Variants in IL7 observed in about 807,000 individuals in gnomAD.
IL7 encodes the protein interleukin-7.
IL7 carries 3 observed loss-of-function variants against 21.6 expected under a neutral mutation model. The observed-to-expected ratio is 0.14, with a 90% CI of 0.06 to 0.36. IL7 has a LOEUF of 0.36. Ranked by LOEUF, IL7 falls within the 10% of genes least tolerant of loss-of-function variation. IL7 has a pLI of 1.00. For synonymous variants in IL7, 62 were observed against 68.1 expected (o/e 0.91, Z 0.44); for missense variants, 175 against 200.2 (o/e 0.87, Z 0.76).
intron 4 of IL7, among the ~76,000 whole-genome samples, chr8:78,684,829 A>G (rs1809911210): frequency 6.6e-6 from 1 of 152,222 alleles, no homozygotes; most frequent in African/African-American, 2.4e-5. Context: ...ACAAAGTAAA[A>G]AAATACTACT....
chr8:78,767,520 T>C (rs1812792846), intron 2 of IL7, among the ~76,000 whole-genome samples: 2 of 152,070 alleles, frequency 1.3e-5, no homozygotes, highest in Admixed American at 6.5e-5. Flanking sequence ...ATCTAATTAG[T>C]ATACATATCC....
At chr8:78,803,748 C>T (rs1460615585) in intron 1 of IL7, among the ~76,000 whole-genome samples, 1 of 152,146 alleles carries the variant, frequency 6.6e-6, no homozygotes, top group African/African-American at 2.4e-5. Context: ...TAGGGTTGTG[C>T]TCAATTTTTA....
At chr8:78,778,887 T>G (rs1488575663) in intron 2 of IL7, among the ~76,000 whole-genome samples, 2 of 152,168 alleles carry the variant, frequency 1.3e-5, no homozygotes, top group Non-Finnish European at 2.9e-5. Context: ...CATGACATGT[T>G]TTTTCATTTG....
chr8:78,762,588 CT>C (rs1293263378), intron 2 of IL7, among the ~76,000 whole-genome samples: 1 of 151,514 alleles, frequency 6.6e-6, no homozygotes, highest in African/African-American at 2.4e-5. Context: ...CCGCCGGGTT[CT>C]TTTTTATATC....
intron 3 of IL7, among the ~76,000 whole-genome samples, chr8:78,700,879 G>A (rs951417043): frequency 6.6e-6 from 1 of 152,106 alleles, no homozygotes; most frequent in Non-Finnish European, 1.5e-5. Flanking sequence ...GTACCATGCT[G>A]TTTTGATTAC....
chr8:78,782,776 G>T (rs1367452905), intron 2 of IL7, among the ~76,000 whole-genome samples: 1 of 152,106 alleles, frequency 6.6e-6, no homozygotes, highest in African/African-American at 2.4e-5. Flanking sequence ...CTCAGAGCCA[G>T]CGGGGAAAAG....
At chr8:78,716,237 C>G (rs1811097686), downstream of IL7, among the ~76,000 whole-genome samples, 1 of 151,532 alleles carries the variant, frequency 6.6e-6, no homozygotes, top group African/African-American at 2.4e-5. Context: ...ATTCTCCTGC[C>G]TCAGCCTCCC....
intron 5 of IL7, among the ~76,000 whole-genome samples, chr8:78,720,068 T>C (rs1257694277): frequency 6.6e-6 from 1 of 151,868 alleles, no homozygotes; most frequent in Non-Finnish European, 1.5e-5. Context: ...TGGACGTTTC[T>C]AGTTAAGAGC....
In IL7 at chr8:78,798,345, C is replaced by T. The variant is rs78020883; in HGVS notation, c.11-137G>A. 3,085 of 603,856 alleles carry T rather than the reference C, an allele frequency of 5.1e-3. 67 individuals carry two copies. In the African/African-American group the frequency reaches 0.052, roughly 10 times the overall value. 37.4% of individuals were successfully genotyped at this position (603,856 alleles called of 1,614,324 possible). A position where few individuals can be genotyped will look rare whatever the true frequency, so the allele number is the denominator to read the frequency against. On this transcript the variant is annotated intron_variant, in intron 1 of 5. Coordinates refer to ENST00000263851, the MANE Select transcript of IL7 (RefSeq NM_000880.4). Reference sequence around the variant, plus strand: ...GGTTTGGAGATACTACAGGAAGAACCTCAAAAGTTGAACTTATGTAACAAC... The same window carrying T: ...GGTTTGGAGATACTACAGGAAGAACTTCAAAAGTTGAACTTATGTAACAAC...
intron 3 of IL7, among the ~76,000 whole-genome samples, chr8:78,710,042 T>A (rs1308078259): frequency 1.3e-5 from 2 of 152,178 alleles, no homozygotes; most frequent in Non-Finnish European, 2.9e-5. Context: ...AGTAAATGAC[T>A]TTTCCTATGT....
At chr8:78,756,912 C>T (rs935762950) in intron 2 of IL7, among the ~76,000 whole-genome samples, 2 of 150,668 alleles carry the variant, frequency 1.3e-5, no homozygotes, top group African/African-American at 4.9e-5. Flanking sequence ...TTTATTTTTG[C>T]CTTCTTTGTA....
intron 2 of IL7, among the ~76,000 whole-genome samples, chr8:78,778,999 T>A (rs980804251): frequency 2.0e-5 from 3 of 152,076 alleles, no homozygotes; most frequent in Non-Finnish European, 4.4e-5. Context: ...TATCCTCTTT[T>A]TAGCAATTGT....
intron 2 of IL7, among the ~76,000 whole-genome samples, chr8:78,785,132 A>C (rs1813466629): frequency 1.3e-5 from 2 of 152,024 alleles, no homozygotes; most frequent in Admixed American, 1.3e-4. Flanking sequence ...TTGCTCTTGA[A>C]ATTCAGTCAC....
At chr8:78,761,962 T>A (rs543710038) in intron 2 of IL7, 1 of 1,609,926 alleles carries the variant, frequency 6.2e-7, no homozygotes, top group Admixed American at 1.7e-5. Flanking sequence ...CTTCAAGGGT[T>A]AGAGGTAAAA....
chr8:78,687,905 T>C (rs1407508974), intron 3 of IL7, among the ~76,000 whole-genome samples: 1 of 56,404 alleles, frequency 1.8e-5, no homozygotes, highest in Admixed American at 2.5e-4. Context: ...TTATATATAT[T>C]TATATAAATA....
rs201457460 is a variant in IL7 at position 78,701,654 on chromosome 8, G to T, written n.215-15707C>A. ...ATTCGTCATAAGTGGCTAATATTTT[G>T]AGGTATGTTCCTGCAATACCTAGTT... is the stretch of plus-strand genomic sequence containing the variant. On this transcript the variant is annotated intron_variant and non_coding_transcript_variant, in intron 3 of 4. Transcript: ENST00000523959. Among the ~76,000 whole-genome samples, 13 of 152,276 alleles carry T rather than the reference G, an allele frequency of 8.5e-5. No homozygotes were observed. In the East Asian group the frequency reaches 2.3e-3, roughly 27 times the overall value.
At chr8:78,710,539 T>C (rs1810920276) in intron 3 of IL7, among the ~76,000 whole-genome samples, 1 of 152,190 alleles carries the variant, frequency 6.6e-6, no homozygotes, top group South Asian at 2.1e-4. Flanking sequence ...GAGGAATATG[T>C]TTTTAAAATA....
chr8:78,757,370 GA>G (rs1482224964), intron 2 of IL7, among the ~76,000 whole-genome samples: 1 of 151,910 alleles, frequency 6.6e-6, no homozygotes, highest in Non-Finnish European at 1.5e-5. Flanking sequence ...GTAGCTGTTG[GA>G]TAAAATATTA....
At chr8:78,757,851 GAGGGA>G (rs1812402759) in intron 2 of IL7, among the ~76,000 whole-genome samples, 1 of 152,030 alleles carries the variant, frequency 6.6e-6, no homozygotes, top group South Asian at 2.1e-4. Context: ...TGTGTTGTGG[GAGGGA>G]CCCAGTAGGA....
Sources: allele counts gnomAD v4.1 joint callset (sites outside exome capture counted in the v4.1 genomes callset), GRCh38; gene constraint gnomAD v4.1.1; transcripts MANE v1.5; gene names NCBI Gene and HGNC (gene_info 2026-07-23, HGNC 2026-07-21).